Variants in OPCML observed in about 807,000 individuals in gnomAD.
The protein encoded by OPCML is opioid binding protein/cell adhesion molecule like.
A neutral mutation model predicts 37.8 loss-of-function variants in OPCML; 13 were observed. The ratio of observed to expected loss-of-function variants is 0.34; its 90% CI spans 0.22 to 0.55. The LOEUF (loss-of-function observed/expected upper bound fraction) is 0.55, where lower values mean the gene tolerates loss of function less well. Among genes scored for constraint, OPCML ranks in the 20% least tolerant of loss-of-function variants. The pLI, the probability that OPCML is intolerant of heterozygous loss-of-function variation, is 0.91. For synonymous variants in OPCML, 176 were observed against 168.8 expected (o/e 1.04, Z -0.33); for missense variants, 341 against 435.6 (o/e 0.78, Z 1.93).
chr11:132,529,794 TGATAGAGTTGG>T (rs1382403031), intron 3 of OPCML, among the ~76,000 whole-genome samples: 1 of 152,156 alleles, frequency 6.6e-6, no homozygotes, highest in Non-Finnish European at 1.5e-5. Flanking sequence ...CTGACTCTCT[TGATAGAGTTGG>T]AAAATCCTGG....
intron 2 of OPCML, among the ~76,000 whole-genome samples, chr11:132,903,551 A>C (rs79986760): frequency 0.035 from 5,369 of 152,264 alleles, 313 homozygotes; most frequent in African/African-American, 0.12. Flanking sequence ...ATGCCTCATT[A>C]TACCCTCCTC....
intron 1 of OPCML, among the ~76,000 whole-genome samples, chr11:132,964,376 C>A (rs1946166072): frequency 6.6e-6 from 1 of 152,164 alleles, no homozygotes; most frequent in Non-Finnish European, 1.5e-5. Context: ...AGAGTTTGGA[C>A]TTTGCGATCA....
At chr11:132,484,360 A>T (rs1453032874) in intron 4 of OPCML, among the ~76,000 whole-genome samples, 2 of 152,214 alleles carry the variant, frequency 1.3e-5, no homozygotes, top group Non-Finnish European at 2.9e-5. Flanking sequence ...AATCAAAACC[A>T]CAATGAGATA....
At chr11:133,024,952 C>T (rs190452077) in intron 1 of OPCML, 51 of 985,416 alleles carry the variant, frequency 5.2e-5, no homozygotes, top group Non-Finnish European at 5.9e-5. Context: ...CCAATGCGCA[C>T]TGCAGAGCCT....
intron 2 of OPCML, among the ~76,000 whole-genome samples, chr11:132,876,337 T>A (rs945795724): frequency 2.6e-5 from 4 of 152,198 alleles, no homozygotes; most frequent in African/African-American, 9.6e-5. Context: ...TAGCAACTCC[T>A]GAGAGCAAAC....
At chr11:133,076,731 G>C (rs934262734) in intron 1 of OPCML, among the ~76,000 whole-genome samples, 2 of 143,640 alleles carry the variant, frequency 1.4e-5, no homozygotes, top group African/African-American at 5.0e-5. Context: ...TCATCATCAT[G>C]AAGATGCGGA....
intron 2 of OPCML, among the ~76,000 whole-genome samples, chr11:132,911,260 A>T (rs61906923): frequency 0.24 from 36,151 of 152,192 alleles, 7,316 homozygotes; most frequent in African/African-American, 0.54. Context: ...ACAGCTGGAA[A>T]CCAGTCATTT....
At position 132,657,106 on chromosome 11, in the gene OPCML, C is replaced by T. The variant is rs746971650; in HGVS notation, c.360G>A (p.Arg120=). The change falls in exon 3 of 8, where the codon CGG becomes CGA. Residue 120 remains arginine (R), a synonymous_variant. Coordinates refer to ENST00000524381, the MANE Select transcript of OPCML (RefSeq NM_001012393.5). ...ACTTACCTTGCACTATTAGGTGAACCCGGGACGTTTTGGGATGATTGTCTG... is the reference window on the plus strand; with the variant it reads ...ACTTACCTTGCACTATTAGGTGAACTCGGGACGTTTTGGGATGATTGTCTG... ...VQTDNHPKTS[R]VHLIVQVPPQ... 6.2e-7 allele frequency: 1 copy of T among 1,614,180 alleles called. No individual in the cohort carries two copies. Among genetic ancestry groups the T allele is most frequent in the African/African-American group, 1.3e-5 (1 of 75,062 alleles).
chr11:133,526,066 G>A (rs536029100), intron 1 of OPCML, among the ~76,000 whole-genome samples: 17 of 152,326 alleles, frequency 1.1e-4, no homozygotes, highest in Admixed American at 2.0e-4. Flanking sequence ...CAGCCTCTCC[G>A]AACCAAGAGG....
intron 3 of OPCML, among the ~76,000 whole-genome samples, chr11:132,574,439 A>G (rs954152124): frequency 4.6e-5 from 7 of 151,464 alleles, no homozygotes; most frequent in African/African-American, 1.5e-4. Context: ...GCTGCATCCC[A>G]TAAGTTTTTG....
intron 3 of OPCML, among the ~76,000 whole-genome samples, chr11:132,539,991 T>C (rs1361015467): frequency 6.6e-6 from 1 of 152,090 alleles, no homozygotes; most frequent in Non-Finnish European, 1.5e-5. Context: ...TGGCAAGTGA[T>C]GCAGGCATGA....
At chr11:132,866,794 T>G (rs138205985) in intron 2 of OPCML, among the ~76,000 whole-genome samples, 2 of 152,352 alleles carry the variant, frequency 1.3e-5, no homozygotes, top group African/African-American at 2.4e-5. Context: ...CAAAGATGAG[T>G]AAAACAAAAT....
chr11:133,360,477 C>A (rs7952185), intron 1 of OPCML: 5,745 of 152,246 alleles, frequency 0.038, 389 homozygotes, highest in African/African-American at 0.13. Flanking sequence ...AGCTTTGGAG[C>A]CAAGAGACGG....
chr11:132,869,706 GA>G (rs1467470625), intron 2 of OPCML, among the ~76,000 whole-genome samples: 1 of 152,128 alleles, frequency 6.6e-6, no homozygotes, highest in African/African-American at 2.4e-5. Context: ...GCTAAATTCT[GA>G]AAGGACAAAA....
intron 1 of OPCML, among the ~76,000 whole-genome samples, chr11:133,350,744 C>T (rs1022475929): frequency 6.6e-6 from 1 of 152,168 alleles, no homozygotes; most frequent in East Asian, 1.9e-4. Flanking sequence ...AAAAACATTT[C>T]TTTAATGACA....
At chr11:133,049,999 C>A (rs1324617147) in intron 1 of OPCML, among the ~76,000 whole-genome samples, 1 of 152,202 alleles carries the variant, frequency 6.6e-6, no homozygotes, top group Non-Finnish European at 1.5e-5. Flanking sequence ...CACCAGTTGA[C>A]TTTAAATTAA....
At chr11:132,500,520 G>C (rs1291693776) in intron 4 of OPCML, among the ~76,000 whole-genome samples, 2 of 152,066 alleles carry the variant, frequency 1.3e-5, no homozygotes, top group African/African-American at 2.4e-5. Flanking sequence ...TTGTTTTCTG[G>C]TGTCTTTACA....
At chr11:133,516,326 C>G (rs1038704147) in intron 1 of OPCML, among the ~76,000 whole-genome samples, 2 of 152,140 alleles carry the variant, frequency 1.3e-5, no homozygotes, top group African/African-American at 4.8e-5. Context: ...GCTGAGAGAA[C>G]GCGACCTTGG....
At chr11:133,440,632 C>G (rs1414353716) in intron 1 of OPCML, among the ~76,000 whole-genome samples, 1 of 149,328 alleles carries the variant, frequency 6.7e-6, no homozygotes, top group African/African-American at 2.5e-5. Flanking sequence ...GAAGCTGAGG[C>G]AGGAGAATCT....
Sources: gnomAD v4.1 joint callset for allele counts (sites outside exome capture counted in the v4.1 genomes callset) on GRCh38, gnomAD v4.1.1 for gene constraint, MANE v1.5 for transcripts, NCBI Gene and HGNC (gene_info 2026-07-23, HGNC 2026-07-21) for gene names.